Variants in HHLA1 observed in about 807,000 individuals in gnomAD.
HHLA1 encodes the protein HERV-H LTR-associating protein 1.
A neutral mutation model predicts 69.9 loss-of-function variants in HHLA1; 72 were observed. The observed-to-expected ratio is 1.03, with a 90% CI of 0.85 to 1.25. The LOEUF (loss-of-function observed/expected upper bound fraction) is 1.25, where lower values mean the gene tolerates loss of function less well. Among genes scored for constraint, HHLA1 ranks in the 50% most tolerant of loss-of-function variants. The pLI is 0.00. For missense variants in HHLA1, 685 were observed against 642.2 expected (o/e 1.07, Z -0.72); for synonymous variants, 252 against 233.2 (o/e 1.08, Z -0.73).
intron 15 of HHLA1, among the ~76,000 whole-genome samples, chr8:132,070,745 A>G (rs1241209247): frequency 6.6e-6 from 1 of 151,394 alleles, no homozygotes; most frequent in Admixed American, 6.6e-5. Context: ...ACACATCTCA[A>G]CTCAACACAA....
intron 10 of HHLA1, among the ~76,000 whole-genome samples, chr8:132,085,975 G>A (rs1412029292): frequency 1.3e-5 from 2 of 152,092 alleles, no homozygotes; most frequent in Non-Finnish European, 1.5e-5. Context: ...GGGTTGCGAT[G>A]GCTTGGCTTG....
At chr8:132,085,998 T>G (rs1823854716) in intron 10 of HHLA1, among the ~76,000 whole-genome samples, 1 of 152,188 alleles carries the variant, frequency 6.6e-6, no homozygotes, top group East Asian at 1.9e-4. Context: ...CTCAGAGGCC[T>G]GACACTAAAA....
intron 15 of HHLA1, chr8:132,069,892 G>C (rs1360876573): frequency 6.5e-6 from 1 of 153,708 alleles, no homozygotes; most frequent in African/African-American, 2.4e-5. Context: ...CCTAAAGTGG[G>C]CTTAACCTAG....
intron 15 of HHLA1, chr8:132,069,708 A>G (rs1340869096): frequency 1.3e-5 from 2 of 152,030 alleles, no homozygotes; most frequent in Admixed American, 6.6e-5. Flanking sequence ...ATGATCTATA[A>G]TACTATATTT....
At chr8:132,076,423 A>ACCCCCCCCCACCCC in intron 13 of HHLA1, 52 bp downstream of exon 13, 1 of 359,214 alleles carries the variant, frequency 2.8e-6, no homozygotes, top group Non-Finnish European at 5.0e-6. Context: ...CAAGCTTCCC[A>ACCCCCCCCCACCCC]CCCCTCCCAT....
chr8:132,076,046 G>A lies in HHLA1; in HGVS notation c.1315+9C>T. The A allele has an allele frequency of 9.1e-6, 14 of 1,542,284 alleles. No individual in the cohort carries two copies. The highest frequency in any genetic ancestry group is 1.1e-5 in the Non-Finnish European group (13 of 1,138,640). On this transcript the variant is annotated intron_variant, in intron 14 of 16. Transcript: ENST00000414222. ...CAAGCAATAGTAATGACTGGGCACTGGTACTTACTTGAAACTTGATGGGGT... is the reference window on the plus strand; with the variant it reads ...CAAGCAATAGTAATGACTGGGCACTAGTACTTACTTGAAACTTGATGGGGT...
At chr8:132,102,819 A>G in intron 3 of HHLA1, among the ~76,000 whole-genome samples, 1 of 112,390 alleles carries the variant, frequency 8.9e-6, no homozygotes, top group Admixed American at 9.4e-5. Flanking sequence ...TTTTTTTTTT[A>G]GCACTATTCC....
intron 7 of HHLA1, among the ~76,000 whole-genome samples, chr8:132,091,344 G>A (rs1823943037): frequency 4.6e-5 from 7 of 152,134 alleles, no homozygotes. Flanking sequence ...ACAAAACATG[G>A]AGTCCAGGTT....
At position 132,081,734 on chromosome 8, in the gene HHLA1, G is replaced by A. The variant is rs536592995; in HGVS notation, c.677-1768C>T. 7.9e-5 allele frequency among the ~76,000 whole-genome samples: 12 copies of A among 152,326 alleles called. No individual in the cohort carries two copies. The South Asian group carries it at 1.4e-3, about 18-fold the overall frequency. ...AGTTATCTGACTCAGGGCATGTTGA[G>A]TAAAGCTAATTTGCCAGTCCTGGGT... On this transcript the variant is annotated intron_variant, in intron 10 of 16. Transcript: ENST00000414222.
chr8:132,079,658 C>T (rs11778661), intron 11 of HHLA1, 60 bp downstream of exon 11: 463,165 of 1,472,794 alleles, frequency 0.31, 74,316 homozygotes, highest in Admixed American at 0.42. Context: ...TATATGTGAG[C>T]CTAGAGGTAA....
chr8:132,095,475 GC>G lies in HHLA1; in HGVS notation c.448+43del, dbSNP rs1824007213. On this transcript the variant is annotated intron_variant, in intron 7 of 16. Coordinates refer to ENST00000414222, the MANE Select transcript of HHLA1 (RefSeq NM_001145095.3). ...CAAAAACTTATCTAAAAGGACACAA[GC>G]AAAATTGGAAAAGCTGCAAGCCTCA... The G allele has an allele frequency of 6.8e-6, 9 of 1,330,428 alleles. No individual in the cohort carries two copies. The East Asian group carries it at 2.3e-4, about 33-fold the overall frequency. 82.4% of individuals were successfully genotyped at this position (1,330,428 alleles called of 1,614,324 possible).
Position 132,101,403 on chromosome 8 carries a change from T to C in HHLA1, c.140-1269A>G. On this transcript the variant is annotated intron_variant, in intron 3 of 16. Coordinates refer to ENST00000414222, the MANE Select transcript of HHLA1 (RefSeq NM_001145095.3). ...TAAACTGAAATCCCCAAACTTGATT[T>C]GATGTACCTAAATTTGATGTACCAT... 2 of 1,255,514 alleles carry C rather than the reference T, an allele frequency of 1.6e-6. 1 individual carries two copies. Among genetic ancestry groups the C allele is most frequent in the Non-Finnish European group, 2.1e-6 (2 of 938,206 alleles). The allele number at this position is 1,255,514 out of a possible 1,614,324, so 77.8% of individuals were successfully genotyped here.
intron 15 of HHLA1, chr8:132,069,600 T>C (rs925904110): frequency 1.3e-5 from 2 of 152,246 alleles, no homozygotes; most frequent in African/African-American, 4.8e-5. Context: ...TTTCATTTAT[T>C]CATTCAGCTA....
At chr8:132,080,202 A>G (rs1823724663) in intron 10 of HHLA1, 1 of 638,970 alleles carries the variant, frequency 1.6e-6, no homozygotes, top group African/African-American at 1.8e-5. Flanking sequence ...AAGAGGAATT[A>G]GTCTCCTCCA....
At chr8:132,070,311 G>T in intron 15 of HHLA1, 1 of 701,814 alleles carries the variant, frequency 1.4e-6, no homozygotes, top group Non-Finnish European at 2.6e-6. Context: ...TATAAAACAG[G>T]TTCTGCTTTT....
At chr8:132,077,348 G>A (rs1356967011) in intron 12 of HHLA1, among the ~76,000 whole-genome samples, 1 of 152,048 alleles carries the variant, frequency 6.6e-6, no homozygotes, top group East Asian at 1.9e-4. Flanking sequence ...GTCTAGAGGA[G>A]GAAGGTGGAG....
At chr8:132,104,586 T>C (rs1014375267) in intron 2 of HHLA1, among the ~76,000 whole-genome samples, 1 of 152,072 alleles carries the variant, frequency 6.6e-6, no homozygotes, top group Non-Finnish European at 1.5e-5. Flanking sequence ...GGGGAATATT[T>C]GATGTATACA....
At chr8:132,087,509 A>T in intron 10 of HHLA1, 144 bp downstream of exon 10, 1 of 608,680 alleles carries the variant, frequency 1.6e-6, no homozygotes, top group South Asian at 2.2e-5. Flanking sequence ...CCAGAAATTC[A>T]TTTTTTTAAA....
At chr8:132,095,654 A>G (rs1824011894) in intron 6 of HHLA1, 49 bp downstream of exon 6, 2 of 1,530,988 alleles carry the variant, frequency 1.3e-6, no homozygotes, top group Admixed American at 3.9e-5. Context: ...CCAGCCCTGC[A>G]ACACATCCCT....
Sources: gnomAD v4.1 joint callset for allele counts (sites outside exome capture counted in the v4.1 genomes callset) on GRCh38, gnomAD v4.1.1 for gene constraint, MANE v1.5 for transcripts, NCBI Gene and HGNC (gene_info 2026-07-23, HGNC 2026-07-21) for gene names.